Variants in PTPRC observed in about 807,000 individuals in gnomAD.
The protein encoded by PTPRC is protein tyrosine phosphatase receptor type C.
Under a neutral mutation model 155.9 loss-of-function variants are expected in PTPRC, and 44 were observed. The observed-to-expected ratio is 0.28, with a 90% CI of 0.22 to 0.36. The LOEUF (loss-of-function observed/expected upper bound fraction) is 0.36. Among genes scored for constraint, PTPRC ranks in the 10% least tolerant of loss-of-function variants. PTPRC has a pLI of 1.00. For synonymous variants in PTPRC, 525 were observed against 533.1 expected, an observed-to-expected ratio of 0.98 and a Z score of 0.21; for missense variants, 1,401 against 1,564.6, an observed-to-expected ratio of 0.90 and a Z score of 1.76.
chr1:198,708,586 GA>G (rs1348183345), intron 10 of PTPRC, among the ~76,000 whole-genome samples: 1 of 152,162 alleles, frequency 6.6e-6, no homozygotes, highest in Non-Finnish European at 1.5e-5. Flanking sequence ...GATCATGAAA[GA>G]AGGGTGTTAT....
intron 2 of PTPRC, among the ~76,000 whole-genome samples, chr1:198,655,349 A>C (rs779326742): frequency 1.6e-4 from 24 of 152,102 alleles, no homozygotes; most frequent in Non-Finnish European, 4.4e-5. Flanking sequence ...CCTTAGAAAT[A>C]ATCTATTTCA....
At chr1:198,713,623 G>A (rs1279029094) in intron 12 of PTPRC, among the ~76,000 whole-genome samples, 1 of 151,972 alleles carries the variant, frequency 6.6e-6, no homozygotes, top group Non-Finnish European at 1.5e-5. Flanking sequence ...AGAAAGAAAT[G>A]TGCTATGACT....
At chr1:198,743,067 C>CAAAAAAAAAAAAAAAAAAAAAAAAAAA (rs10628640) in intron 25 of PTPRC, among the ~76,000 whole-genome samples, 3 of 75,948 alleles carry the variant, frequency 4.0e-5, no homozygotes, top group African/African-American at 1.0e-4. Context: ...GTCAAAATAG[C>CAAAAAAAAAAAAAAAAAAAAAAAAAAA]AAAAAAAAAA....
intron 2 of PTPRC, among the ~76,000 whole-genome samples, chr1:198,678,032 G>A (rs1392472772): frequency 6.6e-6 from 1 of 152,070 alleles, no homozygotes; most frequent in African/African-American, 2.4e-5. Flanking sequence ...GCACATGAAA[G>A]TGCCAAGAGG....
chr1:198,728,511 A>G, intron 16 of PTPRC, 63 bp downstream of exon 16: 1 of 1,574,738 alleles, frequency 6.4e-7, no homozygotes, highest in Non-Finnish European at 8.6e-7. Flanking sequence ...ACGCATATCC[A>G]TATGGCAGTG....
intron 2 of PTPRC, chr1:198,679,667 C>T (rs1665186496): frequency 3.3e-6 from 1 of 302,452 alleles, no homozygotes. Flanking sequence ...GCAGCCTGTC[C>T]TGTTTGTAAA....
In PTPRC at chr1:198,651,543, T is replaced by G. The variant is rs929465865; in HGVS notation, c.73+12202T>G. Among the ~76,000 whole-genome samples the G allele has an allele frequency of 7.2e-5, 11 of 151,750 alleles. 1 individual carries two copies. Among genetic ancestry groups the G allele is most frequent in the Non-Finnish European group, 2.9e-5 (2 of 67,858 alleles). ...TTGGCAGGTTTCCTTAAAACTTTTT[T>G]TTAGAGCTACTTAATTTTGTACTTA... On this transcript the variant is annotated intron_variant, in intron 2 of 32. Transcript: ENST00000442510.
intron 2 of PTPRC, among the ~76,000 whole-genome samples, chr1:198,647,462 T>G (rs1454154785): frequency 1.3e-5 from 2 of 151,940 alleles, no homozygotes; most frequent in Non-Finnish European, 2.9e-5. Context: ...TATTGTTATT[T>G]ATGGGAATTA....
chr1:198,729,320 C>T (rs889772376), intron 17 of PTPRC, 149 bp downstream of exon 17: 20 of 988,722 alleles, frequency 2.0e-5, no homozygotes, highest in Non-Finnish European at 2.5e-5. Flanking sequence ...CTGCTTATTG[C>T]AGCCTCCGCC....
intron 4 of PTPRC, among the ~76,000 whole-genome samples, chr1:198,697,819 T>A (rs1666277840): frequency 6.6e-6 from 1 of 152,198 alleles, no homozygotes; most frequent in South Asian, 2.1e-4. Flanking sequence ...TTAGGGTACA[T>A]CAAAGTATTT....
At chr1:198,752,996 A>T (rs1364021403) in intron 31 of PTPRC, among the ~76,000 whole-genome samples, 1 of 151,988 alleles carries the variant, frequency 6.6e-6, no homozygotes, top group African/African-American at 2.4e-5. Flanking sequence ...GTTTTTTAAT[A>T]CTTGGTGTCA....
chr1:198,736,467 A>ACTT (rs1426222884), intron 23 of PTPRC, among the ~76,000 whole-genome samples: 3 of 151,688 alleles, frequency 2.0e-5, no homozygotes, highest in Non-Finnish European at 4.4e-5. Flanking sequence ...GGCTTATTTC[A>ACTT]CTTAACGTAA....
At chr1:198,731,525 A>C (rs1487022788) in intron 17 of PTPRC, 92 bp from the exon 18 acceptor site, 2 of 919,612 alleles carry the variant, frequency 2.2e-6, no homozygotes, top group Non-Finnish European at 1.8e-6. Flanking sequence ...AAAGAAGCTA[A>C]AGGATTGAGT....
At chr1:198,678,689 G>A (rs1165315592) in intron 2 of PTPRC, among the ~76,000 whole-genome samples, 3 of 152,098 alleles carry the variant, frequency 2.0e-5, no homozygotes, top group Admixed American at 2.0e-4. Context: ...ATAAAAACAC[G>A]CTGCGTACAA....
Position 198,715,578 on chromosome 1 carries a change from G to A in PTPRC, c.1292-1104G>A, listed in dbSNP as rs567081101. On this transcript the variant is annotated intron_variant, in intron 12 of 32. Transcript: ENST00000442510. The stretch of plus-strand genomic sequence containing the variant: ...TTTTCAAAAGTTACTGAAAGCAATA[G>A]GCACCTTTCAAGACCACCATGATGT... 8.6e-5 allele frequency among the ~76,000 whole-genome samples: 13 copies of A among 152,000 alleles called. No individual in the cohort carries two copies. The East Asian group carries it at 2.5e-3, about 29-fold the overall frequency.
At chr1:198,751,193 A>G (rs550628920) in intron 29 of PTPRC, among the ~76,000 whole-genome samples, 14 of 152,120 alleles carry the variant, frequency 9.2e-5, no homozygotes, top group African/African-American at 2.6e-4. Context: ...ATGTATCTAT[A>G]TCATCCTTTC....
In PTPRC at chr1:198,752,234, T is replaced by C. The variant is rs772050403; in HGVS notation, c.3208-15T>C. The C allele has an allele frequency of 9.3e-6, 15 of 1,609,038 alleles. No homozygotes were observed. Among genetic ancestry groups the C allele is most frequent in the Non-Finnish European group, 1.3e-5 (15 of 1,176,062 alleles). On this transcript the variant is annotated splice_polypyrimidine_tract_variant and intron_variant, in intron 29 of 32. Transcript: ENST00000442510. ...AAATAGGAAACAAATTGTTGAATTG[T>C]CTTCTTTTATCTAGGAAATCTGTGC...
chr1:198,716,973 T>C (rs1056134946), intron 13 of PTPRC, 133 bp downstream of exon 13: 2 of 767,426 alleles, frequency 2.6e-6, no homozygotes, highest in Admixed American at 2.7e-5. Context: ...CTAGGGCTTA[T>C]AAACACGTAA....
chr1:198,684,884 A>G (rs888733822), intron 2 of PTPRC, among the ~76,000 whole-genome samples: 2 of 151,796 alleles, frequency 1.3e-5, no homozygotes, highest in Non-Finnish European at 2.9e-5. Flanking sequence ...TTTCTTTCTT[A>G]TTAGAGGCTT....
Sources: allele counts gnomAD v4.1 joint callset (sites outside exome capture counted in the v4.1 genomes callset), GRCh38; gene constraint gnomAD v4.1.1; transcripts MANE v1.5; gene names NCBI Gene and HGNC (gene_info 2026-07-23, HGNC 2026-07-21).